Variants in CTNND2 observed in about 807,000 individuals in gnomAD.
The protein encoded by CTNND2 is catenin delta-2.
Under a neutral mutation model 144.4 loss-of-function variants are expected in CTNND2, and 22 were observed. The observed-to-expected ratio is 0.15, with a 90% CI of 0.11 to 0.22. The LOEUF is 0.22. Ranked by LOEUF, CTNND2 falls within the 10% of genes least tolerant of loss-of-function variation. CTNND2 has a pLI of 1.00. For missense variants in CTNND2, 1,353 were observed against 1,618.8 expected (o/e 0.84, Z 2.82); for synonymous variants, 751 against 695.6 (o/e 1.08, Z -1.25).
Position 11,430,271 on chromosome 5 carries a change from G to C in CTNND2, c.288-18202C>G, listed in dbSNP as rs564476926. ...CTCAAAAAAAAAAAAAAAAAAAAAA[G>C]GAGTTTTTTTTTTCCTTTTTACCAT... On this transcript the variant is annotated intron_variant, in intron 3 of 21. Coordinates refer to ENST00000304623, the MANE Select transcript of CTNND2 (RefSeq NM_001332.4). 2.7e-3 allele frequency among the ~76,000 whole-genome samples: 366 copies of C among 133,092 alleles called. 1 individual carries two copies. The highest frequency in any genetic ancestry group is 0.01 in the African/African-American group (349 of 34,164). 87.3% of individuals were successfully genotyped at this position (133,092 alleles called of 152,430 possible).
intron 16 of CTNND2, among the ~76,000 whole-genome samples, chr5:11,069,411 A>T (rs1312913251): frequency 1.3e-5 from 2 of 152,224 alleles, no homozygotes; most frequent in Admixed American, 1.3e-4. Context: ...TGAAAGAGCC[A>T]TCAGGGTAGG....
At chr5:11,146,173 T>C (rs775641093) in intron 12 of CTNND2, among the ~76,000 whole-genome samples, 1 of 152,196 alleles carries the variant, frequency 6.6e-6, no homozygotes, top group Non-Finnish European at 1.5e-5. Flanking sequence ...TTTGTTCCTA[T>C]GGTGCCTAGC....
chr5:11,108,451 A>T (rs997068440), intron 14 of CTNND2, among the ~76,000 whole-genome samples: 4 of 152,194 alleles, frequency 2.6e-5, no homozygotes, highest in African/African-American at 9.7e-5. Flanking sequence ...ACAACTTAAC[A>T]AAGAGGTGAA....
chr5:11,160,456 T>C (rs1580452310), intron 11 of CTNND2, among the ~76,000 whole-genome samples: 2 of 152,358 alleles, frequency 1.3e-5, no homozygotes, highest in African/African-American at 4.8e-5. Flanking sequence ...TGCAAAATGT[T>C]AACGACAAAT....
chr5:11,840,090 A>G (rs1794381057), intron 1 of CTNND2, among the ~76,000 whole-genome samples: 2 of 152,192 alleles, frequency 1.3e-5, no homozygotes, highest in Admixed American at 6.5e-5. Flanking sequence ...ACTGCAATAT[A>G]TTCATTAGGA....
chr5:11,358,750 A>G (rs1298585267), intron 8 of CTNND2, among the ~76,000 whole-genome samples: 1 of 150,604 alleles, frequency 6.6e-6, no homozygotes, highest in East Asian at 1.9e-4. Context: ...TTTTTTTTAG[A>G]GACTATTTTC....
chr5:11,419,370 C>A (rs1341340909), intron 3 of CTNND2, among the ~76,000 whole-genome samples: 1 of 152,068 alleles, frequency 6.6e-6, no homozygotes, highest in Non-Finnish European at 1.5e-5. Flanking sequence ...GTGATTGCAG[C>A]CTTTATAATA....
intron 16 of CTNND2, among the ~76,000 whole-genome samples, chr5:11,024,122 T>A (rs1742570985): frequency 6.6e-6 from 1 of 152,266 alleles, no homozygotes; most frequent in Non-Finnish European, 1.5e-5. Context: ...TGGTGTATGG[T>A]GCCTGGCAGC....
intron 1 of CTNND2, among the ~76,000 whole-genome samples, chr5:11,801,167 C>G (rs575878605): frequency 2.2e-4 from 34 of 152,126 alleles, no homozygotes; most frequent in Non-Finnish European, 3.7e-4. Flanking sequence ...TTAAATAGCA[C>G]ACTGGCAAAA....
At chr5:11,308,930 G>A (rs115530566) in intron 9 of CTNND2, among the ~76,000 whole-genome samples, 1 of 152,184 alleles carries the variant, frequency 6.6e-6, no homozygotes, top group Non-Finnish European at 1.5e-5. Context: ...GTCTTACATG[G>A]TAGGAGCACG....
intron 1 of CTNND2, among the ~76,000 whole-genome samples, chr5:11,781,339 T>A (rs2126848614): frequency 6.6e-6 from 1 of 152,340 alleles, no homozygotes; most frequent in Non-Finnish European, 1.5e-5. Flanking sequence ...GGCATGCTAA[T>A]CTATCAGTTC....
At chr5:11,619,085 A>G (rs1482439801) in intron 2 of CTNND2, among the ~76,000 whole-genome samples, 1 of 152,198 alleles carries the variant, frequency 6.6e-6, no homozygotes, top group East Asian at 1.9e-4. Flanking sequence ...CACTAAAAAC[A>G]TAAAAGTCCT....
chr5:11,847,977 TTA>T (rs1794825521), intron 1 of CTNND2, among the ~76,000 whole-genome samples: 1 of 152,024 alleles, frequency 6.6e-6, no homozygotes, highest in Non-Finnish European at 1.5e-5. Flanking sequence ...GCGTTTAGAA[TTA>T]TGTTAAAAAG....
intron 2 of CTNND2, among the ~76,000 whole-genome samples, chr5:11,633,937 G>A (rs10070550): frequency 0.69 from 105,582 of 151,960 alleles, 37,438 homozygotes; most frequent in Middle Eastern, 0.79. Context: ...ATCTTCTTAT[G>A]CCTGATGTTT....
At chr5:10,989,850 A>G (rs2149496500) in intron 19 of CTNND2, among the ~76,000 whole-genome samples, 1 of 152,390 alleles carries the variant, frequency 6.6e-6, no homozygotes, top group South Asian at 2.1e-4. Context: ...AAGTGCTGGG[A>G]AGATAAACAT....
chr5:11,872,040 C>A (rs753224807), intron 1 of CTNND2, among the ~76,000 whole-genome samples: 3 of 152,060 alleles, frequency 2.0e-5, no homozygotes, highest in African/African-American at 4.8e-5. Context: ...CCTAGCCCCC[C>A]ACCCCTCAAC....
intron 9 of CTNND2, among the ~76,000 whole-genome samples, chr5:11,276,016 C>T (rs1231310803): frequency 6.6e-6 from 1 of 152,140 alleles, no homozygotes; most frequent in Non-Finnish European, 1.5e-5. Flanking sequence ...AACCTTATTT[C>T]TTTATATAAT....
intron 6 of CTNND2, among the ~76,000 whole-genome samples, chr5:11,388,512 C>T (rs576793685): frequency 5.9e-5 from 9 of 152,258 alleles, no homozygotes; most frequent in African/African-American, 2.2e-4. Flanking sequence ...CTGCAGTTTA[C>T]AATAAATAAA....
chr5:11,180,986 A>G (rs551657260), intron 11 of CTNND2, among the ~76,000 whole-genome samples: 1 of 152,272 alleles, frequency 6.6e-6, no homozygotes, highest in East Asian at 1.9e-4. Context: ...CTGGGGAAGA[A>G]CCAAGTCTGT....
Sources: allele counts gnomAD v4.1 joint callset (sites outside exome capture counted in the v4.1 genomes callset), GRCh38; gene constraint gnomAD v4.1.1; transcripts MANE v1.5; gene names NCBI Gene and HGNC (gene_info 2026-07-23, HGNC 2026-07-21).